Variants in MAGI2 observed in about 807,000 individuals in gnomAD.
MAGI2 encodes membrane associated guanylate kinase, WW and PDZ domain containing 2, also known as membrane-associated guanylate kinase, WW and PDZ domain-containing protein 2.
A neutral mutation model predicts 133.3 loss-of-function variants in MAGI2; 35 were observed. The observed-to-expected ratio is 0.26, with a 90% CI of 0.20 to 0.35. MAGI2 has a LOEUF of 0.35. MAGI2 is among the 10% of genes least tolerant of loss of function. The pLI, the probability that MAGI2 is intolerant of heterozygous loss-of-function variation, is 1.00. For missense variants in MAGI2, 1,636 were observed against 1,863.4 expected, an observed-to-expected ratio of 0.88 and a Z score of 2.25; for synonymous variants, 729 against 710.6, an observed-to-expected ratio of 1.03 and a Z score of -0.41.
intron 9 of MAGI2, among the ~76,000 whole-genome samples, chr7:78,278,987 T>C (rs1178032638): frequency 2.6e-5 from 4 of 152,176 alleles, no homozygotes; most frequent in African/African-American, 7.2e-5. Context: ...ATTAAACTTA[T>C]TGAAGAAAAA....
chr7:78,612,501 CAAAT>C (rs1806558849), intron 3 of MAGI2, among the ~76,000 whole-genome samples: 1 of 151,860 alleles, frequency 6.6e-6, no homozygotes, highest in Non-Finnish European at 1.5e-5. Flanking sequence ...TAAATGAAAA[CAAAT>C]AAACCACATT....
chr7:78,838,930 T>C (rs1256512350), intron 2 of MAGI2, among the ~76,000 whole-genome samples: 2 of 152,148 alleles, frequency 1.3e-5, no homozygotes, highest in Admixed American at 6.6e-5. Context: ...TGAGATACTC[T>C]AGTATTTAAT....
chr7:78,194,534 T>C (rs1466864883), intron 12 of MAGI2, among the ~76,000 whole-genome samples: 2 of 152,076 alleles, frequency 1.3e-5, no homozygotes, highest in Non-Finnish European at 2.9e-5. Context: ...AAGATCAGAT[T>C]AAACAGATTA....
At chr7:79,104,651 G>A (rs1818291835) in intron 1 of MAGI2, among the ~76,000 whole-genome samples, 1 of 151,940 alleles carries the variant, frequency 6.6e-6, no homozygotes, top group Admixed American at 6.6e-5. Context: ...TGGCAACAGA[G>A]CGAGACTCCA....
chr7:78,482,878 TACAC>T (rs3086358), intron 6 of MAGI2, among the ~76,000 whole-genome samples: 4,589 of 89,776 alleles, frequency 0.051, 102 homozygotes, highest in African/African-American at 0.092. Context: ...CACATGGAAC[TACAC>T]ACACACACAC....
chr7:78,489,793 T>C lies in MAGI2; in HGVS notation c.1013A>G (p.Lys338Arg). 6.2e-7 allele frequency: 1 copy of C among 1,611,640 alleles called. No individual in the cohort carries two copies. The highest frequency in any genetic ancestry group is 1.1e-5 in the South Asian group (1 of 90,944). The change falls in exon 6 of 22, where the codon AAG (lysine) becomes AGG (arginine). Residue 338 changes from lysine (K) to arginine (R), a missense_variant. Physicochemically the swap from Lys to Arg is conservative, Grantham distance 26 (BLOSUM62 2). Transcript: ENST00000354212. Reference protein sequence around the residue: ...TSWLDPRLAKKAKPPEECKEN... With the variant: ...TSWLDPRLAKRAKPPEECKEN... The stretch of plus-strand genomic sequence containing the variant: ...TTTGCACTCTTCTGGAGGTTTAGCC[T>C]TTTTCGCAAGTCGTGGATCCAGCCA...
intron 3 of MAGI2, among the ~76,000 whole-genome samples, chr7:78,610,709 T>G (rs1806342800): frequency 6.6e-6 from 1 of 152,208 alleles, no homozygotes; most frequent in African/African-American, 2.4e-5. Context: ...GTTTCCTCCC[T>G]CTTTGGGGGA....
intron 2 of MAGI2, among the ~76,000 whole-genome samples, chr7:78,927,942 T>C: frequency 6.6e-6 from 1 of 151,974 alleles, no homozygotes; most frequent in East Asian, 1.9e-4. Flanking sequence ...AGGTGCCATA[T>C]GCTAAAATTT....
At chr7:79,416,607 A>G (rs1372535386) in intron 1 of MAGI2, among the ~76,000 whole-genome samples, 1 of 152,068 alleles carries the variant, frequency 6.6e-6, no homozygotes, top group Non-Finnish European at 1.5e-5. Context: ...TACTCTAGAG[A>G]TCAGAGAAAA....
chr7:78,347,531 G>A (rs113995659), intron 7 of MAGI2, among the ~76,000 whole-genome samples: 1,785 of 152,228 alleles, frequency 0.012, 45 homozygotes, highest in African/African-American at 0.041. Context: ...TCTTGGGGTG[G>A]TTGTGAGGAT....
chr7:78,665,533 ATTTCT>A (rs148170058), intron 2 of MAGI2, among the ~76,000 whole-genome samples: 2,320 of 152,208 alleles, frequency 0.015, 64 homozygotes, highest in African/African-American at 0.053. Context: ...CAAGGCTTTA[ATTTCT>A]TTTCTAATCT....
chr7:79,047,618 C>T (rs1812301218), intron 1 of MAGI2, among the ~76,000 whole-genome samples: 1 of 151,682 alleles, frequency 6.6e-6, no homozygotes, highest in Non-Finnish European at 1.5e-5. Context: ...AGTTGATAAG[C>T]CTATTGAAAA....
intron 2 of MAGI2, among the ~76,000 whole-genome samples, chr7:78,761,211 T>C (rs1824471627): frequency 6.6e-6 from 1 of 152,178 alleles, no homozygotes; most frequent in Non-Finnish European, 1.5e-5. Flanking sequence ...AGATATTAAC[T>C]TGTAGTAAGC....
At chr7:78,600,767 G>C (rs545019028) in intron 3 of MAGI2, among the ~76,000 whole-genome samples, 2 of 152,114 alleles carry the variant, frequency 1.3e-5, no homozygotes, top group African/African-American at 4.8e-5. Context: ...ATGGAAAGGA[G>C]AGCTAAATAT....
At chr7:78,960,964 T>G (rs1375914442) in intron 2 of MAGI2, among the ~76,000 whole-genome samples, 1 of 152,096 alleles carries the variant, frequency 6.6e-6, no homozygotes, top group Non-Finnish European at 1.5e-5. Flanking sequence ...TAACAGAAAC[T>G]CCAGGATAGG....
At chr7:78,607,002 G>A (rs1171895444) in intron 3 of MAGI2, among the ~76,000 whole-genome samples, 1 of 152,108 alleles carries the variant, frequency 6.6e-6, no homozygotes, top group Admixed American at 6.5e-5. Flanking sequence ...GCAAGCCCCT[G>A]GATATTAATG....
intron 9 of MAGI2, among the ~76,000 whole-genome samples, chr7:78,266,198 G>C (rs1168345835): frequency 6.6e-6 from 1 of 152,138 alleles, no homozygotes; most frequent in African/African-American, 2.4e-5. Flanking sequence ...AAGACACGTA[G>C]AGCAGTGTTT....
intron 10 of MAGI2, among the ~76,000 whole-genome samples, chr7:78,222,654 G>A (rs1788945890): frequency 1.3e-5 from 2 of 152,278 alleles, no homozygotes; most frequent in African/African-American, 4.8e-5. Flanking sequence ...GGCCAAGTGT[G>A]AATCTATGAA....
intron 2 of MAGI2, among the ~76,000 whole-genome samples, chr7:78,959,218 A>G (rs1802650334): frequency 6.6e-6 from 1 of 152,134 alleles, no homozygotes; most frequent in Non-Finnish European, 1.5e-5. Context: ...ACTCAGCTTC[A>G]CCACTTGGTT....
Sources: allele counts gnomAD v4.1 joint callset (sites outside exome capture counted in the v4.1 genomes callset), GRCh38; gene constraint gnomAD v4.1.1; transcripts MANE v1.5; gene names NCBI Gene and HGNC (gene_info 2026-07-23, HGNC 2026-07-21).